Variants in ADGRF1 observed in about 807,000 individuals in gnomAD.
ADGRF1 encodes the protein adhesion G protein-coupled receptor F1.
A neutral mutation model predicts 87.2 loss-of-function variants in ADGRF1; 85 were observed. That is an observed-to-expected ratio of 0.97 (90% CI 0.82 to 1.17). The LOEUF (loss-of-function observed/expected upper bound fraction) is 1.17, where lower values mean the gene tolerates loss of function less well. ADGRF1 is among the 50% of genes most tolerant of loss of function. ADGRF1 has a pLI of 0.00. For missense variants in ADGRF1, 1,169 were observed against 1,077.2 expected, an observed-to-expected ratio of 1.09 and a Z score of -1.19; for synonymous variants, 430 against 408.8, an observed-to-expected ratio of 1.05 and a Z score of -0.63.
intron 1 of ADGRF1, among the ~76,000 whole-genome samples, chr6:47,035,562 A>G (rs756777144): frequency 6.6e-6 from 1 of 152,212 alleles, no homozygotes; most frequent in Non-Finnish European, 1.5e-5. Flanking sequence ...TCATTTCACA[A>G]TTGCAGAAAA....
intron 9 of ADGRF1, chr6:47,012,523 C>A (rs1321947744): frequency 4.8e-6 from 3 of 627,282 alleles, no homozygotes; most frequent in East Asian, 1.2e-4. Flanking sequence ...CTGAAACTTG[C>A]AAAGATTTAC....
intron 3 of ADGRF1, among the ~76,000 whole-genome samples, chr6:47,026,734 C>A (rs1422030273): frequency 6.6e-6 from 1 of 152,162 alleles, no homozygotes; most frequent in Non-Finnish European, 1.5e-5. Flanking sequence ...CGAAGCTCAC[C>A]TATGAAAGAC....
chr6:47,014,454 A>G, intron 9 of ADGRF1: 1 of 1,260,166 alleles, frequency 7.9e-7, no homozygotes, highest in East Asian at 3.5e-5. Context: ...CTGCCTGACA[A>G]AACTATCAAC....
intron 13 of ADGRF1, among the ~76,000 whole-genome samples, chr6:47,005,282 G>A (rs1779489093): frequency 6.6e-6 from 1 of 152,018 alleles, no homozygotes; most frequent in South Asian, 2.1e-4. Flanking sequence ...AAAAACTTGT[G>A]GGTTTGTAGA....
chr6:47,007,770 G>C (rs1779574802), intron 11 of ADGRF1, among the ~76,000 whole-genome samples: 1 of 152,156 alleles, frequency 6.6e-6, no homozygotes, highest in Non-Finnish European at 1.5e-5. Flanking sequence ...ATGTTTTGGT[G>C]GATCTTGAAT....
chr6:47,013,133 C>T, intron 9 of ADGRF1: 1 of 985,472 alleles, frequency 1.0e-6, no homozygotes, highest in Non-Finnish European at 1.2e-6. Flanking sequence ...ACCAGGCTAA[C>T]TTGGAAAGCA....
At chr6:47,027,417 A>C (rs1250080736) in intron 3 of ADGRF1, among the ~76,000 whole-genome samples, 1 of 152,226 alleles carries the variant, frequency 6.6e-6, no homozygotes, top group Non-Finnish European at 1.5e-5. Flanking sequence ...TCATTTCTGG[A>C]CTGGGGCTAT....
In ADGRF1 at chr6:47,009,484, C is replaced by A; in HGVS notation, c.1951G>T (p.Val651Leu). Residue 651 changes from valine to leucine, a missense_variant, in exon 11 of 15, where the codon GTG becomes TTG. Val to Leu is a conservative substitution (Grantham distance 32). Coordinates refer to ENST00000371253, the MANE Select transcript of ADGRF1 (RefSeq NM_153840.4). Reference sequence around the variant, plus strand: ...GCTGTGCAGACTCCAGAAGGGTTCACCGTGGTGTCCACTGTGGCACCAACA... The same window carrying A: ...GCTGTGCAGACTCCAGAAGGGTTCAACGTGGTGTCCACTGTGGCACCAACA... The part of the protein sequence containing the change: ...FIVGATVDTT[V>L]NPSGVCTAAV... 6.2e-7 allele frequency: 1 copy of A among 1,613,924 alleles called. No individual in the cohort carries two copies. Among genetic ancestry groups the A allele is most frequent in the Non-Finnish European group, 8.5e-7 (1 of 1,179,956 alleles).
intron 11 of ADGRF1, among the ~76,000 whole-genome samples, chr6:47,007,591 T>C (rs1180267738): frequency 6.6e-6 from 1 of 152,234 alleles, no homozygotes; most frequent in South Asian, 2.1e-4. Flanking sequence ...CCCAAACAAA[T>C]AGCATCCTTT....
intron 5 of ADGRF1, among the ~76,000 whole-genome samples, chr6:47,023,604 A>G (rs1181692189): frequency 6.6e-6 from 1 of 152,212 alleles, no homozygotes; most frequent in Non-Finnish European, 1.5e-5. Flanking sequence ...ATTTGTTGAC[A>G]ATTGAGAGAT....
intron 1 of ADGRF1, among the ~76,000 whole-genome samples, chr6:47,031,923 C>T (rs1295096895): frequency 6.6e-6 from 1 of 151,984 alleles, no homozygotes; most frequent in Non-Finnish European, 1.5e-5. Context: ...ATTGTCCAAG[C>T]TGGTCTTAAA....
At chr6:47,035,407 TA>T (rs148538572) in intron 1 of ADGRF1, among the ~76,000 whole-genome samples, 2 of 152,248 alleles carry the variant, frequency 1.3e-5, no homozygotes, top group African/African-American at 4.8e-5. Flanking sequence ...CTTTTAAAAA[TA>T]AAAAAGTACC....
intron 1 of ADGRF1, among the ~76,000 whole-genome samples, chr6:47,032,973 A>C (rs1046694149): frequency 6.6e-6 from 1 of 152,202 alleles, no homozygotes; most frequent in African/African-American, 2.4e-5. Flanking sequence ...GTCATCATAA[A>C]TCCCTCTGAA....
chr6:47,027,764 G>A lies in ADGRF1; in HGVS notation c.70-3C>T. 7 of 1,525,850 alleles carry A rather than the reference G, an allele frequency of 4.6e-6. No individual in the cohort carries two copies. Among genetic ancestry groups the A allele is most frequent in the Non-Finnish European group, 4.5e-6 (5 of 1,107,104 alleles). 94.5% of individuals were successfully genotyped at this position (1,525,850 alleles called of 1,614,324 possible). On this transcript the variant is annotated splice_polypyrimidine_tract_variant and splice_region_variant and intron_variant, in intron 2 of 14. Transcript: ENST00000371253. Reference sequence around the variant, plus strand: ...TTTGTTTTGATGCCATCATTTTTCTGTTAAAAAGAAAAAAAATAGTTACGG... The same window carrying A: ...TTTGTTTTGATGCCATCATTTTTCTATTAAAAAGAAAAAAAATAGTTACGG...
At chr6:47,025,431 A>G (rs1780199267) in intron 4 of ADGRF1, among the ~76,000 whole-genome samples, 1 of 152,166 alleles carries the variant, frequency 6.6e-6, no homozygotes, top group South Asian at 2.1e-4. Context: ...GTGCTTATTA[A>G]TGTTGTTTGC....
chr6:47,016,919 C>T (rs1779897742), intron 7 of ADGRF1, 151 bp from the exon 8 acceptor site: 1 of 949,004 alleles, frequency 1.1e-6, no homozygotes, highest in South Asian at 4.5e-5. Flanking sequence ...AATAAAAAAA[C>T]AAGTATCCAC....
At chr6:47,023,997 T>G in intron 5 of ADGRF1, 47 bp downstream of exon 5, 3 of 1,532,312 alleles carry the variant, frequency 2.0e-6, no homozygotes, top group Non-Finnish European at 2.7e-6. Context: ...CTCTGTTGCA[T>G]GTTGGGGTGG....
intron 10 of ADGRF1, among the ~76,000 whole-genome samples, chr6:47,010,785 T>G (rs1349801266): frequency 6.6e-6 from 1 of 152,258 alleles, no homozygotes; most frequent in East Asian, 1.9e-4. Context: ...TTTAGGTTTC[T>G]TGTTTACTAT....
At chr6:47,004,271 C>A (rs1284009329) in intron 13 of ADGRF1, among the ~76,000 whole-genome samples, 1 of 152,130 alleles carries the variant, frequency 6.6e-6, no homozygotes, top group African/African-American at 2.4e-5. Context: ...TGGGGTCCTG[C>A]TTTTTCATTC....
Sources: allele counts gnomAD v4.1 joint callset (sites outside exome capture counted in the v4.1 genomes callset), GRCh38; gene constraint gnomAD v4.1.1; transcripts MANE v1.5; gene names NCBI Gene and HGNC (gene_info 2026-07-23, HGNC 2026-07-21).